Variants in WNT4 observed in about 807,000 individuals in gnomAD.
WNT4 encodes the protein Wnt family member 4.
A neutral mutation model predicts 34.5 loss-of-function variants in WNT4; 16 were observed. That is an observed-to-expected ratio of 0.46 (90% confidence interval 0.31 to 0.70). The LOEUF is 0.70. WNT4 is among the 30% of genes least tolerant of loss of function. The pLI is 0.04. For missense variants in WNT4, 379 were observed against 495.9 expected (o/e 0.76, Z 2.24); for synonymous variants, 200 against 211.9 (o/e 0.94, Z 0.49).
Position 22,129,793 on chromosome 1 carries a change from G to A in WNT4, c.136C>T (p.Leu46Phe). ...ACCTGCCTCTGGATCAGGCCCTTGA[G>A]TTTCTCGCACGTCTCCTCCTCTGAG... ...SISEEETCEK[L>F]KGLIQRQVQM... is the part of the protein sequence containing the mutation. Residue 46 changes from leucine to phenylalanine, a missense_variant, in exon 2 of 5, where the codon CTC becomes TTC. Coordinates refer to ENST00000290167, the MANE Select transcript of WNT4 (RefSeq NM_030761.5). The A allele has an allele frequency of 6.2e-7, 1 of 1,614,086 alleles. No homozygotes were observed. The highest frequency in any genetic ancestry group is 8.5e-7 in the Non-Finnish European group (1 of 1,180,042).
At chr1:22,121,414 C>T (rs2124100324) in intron 3 of WNT4, 31 bp downstream of exon 3, 1 of 1,613,868 alleles carries the variant, frequency 6.2e-7, no homozygotes, top group East Asian at 2.2e-5. Context: ...AAGCCCCCTG[C>T]CCTCCCACTC....
intron 2 of WNT4, among the ~76,000 whole-genome samples, chr1:22,125,857 G>A (rs1645936773): frequency 6.6e-6 from 1 of 152,094 alleles, no homozygotes; most frequent in African/African-American, 2.4e-5. Context: ...ACACCCTTTG[G>A]TTCATTCGAT....
chr1:22,127,427 C>T (rs2124114338), intron 2 of WNT4: 1 of 533,464 alleles, frequency 1.9e-6, no homozygotes, highest in Admixed American at 1.9e-5. Flanking sequence ...CTCCCCTGAC[C>T]TGCTTTCTGT....
intron 1 of WNT4, among the ~76,000 whole-genome samples, chr1:22,132,183 C>T (rs944117305): frequency 6.6e-6 from 1 of 152,226 alleles, no homozygotes; most frequent in Admixed American, 6.5e-5. Context: ...GGATCCTTTC[C>T]TGCTCAGACC....
Position 22,121,334 on chromosome 1 carries a change from G to A in WNT4, c.465C>T (p.Cys155=), listed in dbSNP as rs755328756. The A allele has an allele frequency of 4.3e-6, 7 of 1,614,072 alleles. No individual in the cohort carries two copies. The highest frequency in any genetic ancestry group is 1.7e-5 in the Admixed American group (1 of 60,012). Reference sequence around the variant, plus strand: ...CCACACCGTAGGCGATGTTGTCAGAGCATCCTGACCACTGGAAGCCTGGGG... The same window carrying A: ...CCACACCGTAGGCGATGTTGTCAGAACATCCTGACCACTGGAAGCCTGGGG... ...VSPQGFQWSG[C]SDNIAYGVAF... The change falls in exon 4 of 5, where the codon TGC becomes TGT. Residue 155 remains cysteine (C), a synonymous_variant. Transcript: ENST00000290167.
intron 1 of WNT4, among the ~76,000 whole-genome samples, chr1:22,141,014 T>A (rs955992558): frequency 6.6e-6 from 1 of 152,144 alleles, no homozygotes; most frequent in Non-Finnish European, 1.5e-5. Context: ...AGGTGAGTGG[T>A]GATGCCACCG....
chr1:22,131,567 C>T (rs1164922372), intron 1 of WNT4, among the ~76,000 whole-genome samples: 2 of 152,190 alleles, frequency 1.3e-5, no homozygotes, highest in South Asian at 2.1e-4. Flanking sequence ...TCCTTTTCCC[C>T]GTGGCTGTGG....
At chr1:22,128,295 A>G (rs1645955484) in intron 2 of WNT4, among the ~76,000 whole-genome samples, 1 of 152,192 alleles carries the variant, frequency 6.6e-6, no homozygotes, top group Non-Finnish European at 1.5e-5. Context: ...GGGTTGGCCC[A>G]GGCAACCCCT....
chr1:22,142,576 A>C lies in WNT4; in HGVS notation c.77+270T>G, dbSNP rs60039305. Among the ~76,000 whole-genome samples, 16,927 of 151,530 alleles carry C rather than the reference A, an allele frequency of 0.11. 1,672 individuals are homozygous for C. The highest frequency in any genetic ancestry group is 0.26 in the African/African-American group (10,582 of 41,338). Reference sequence around the variant, plus strand: ...CGCTCGCACCCCTGGCGCCCTCGAGAGCCCCGAGCCGCCTACCGGTGCGGA... The same window carrying C: ...CGCTCGCACCCCTGGCGCCCTCGAGCGCCCCGAGCCGCCTACCGGTGCGGA... On this transcript the variant is annotated intron_variant, in intron 1 of 4. Transcript: ENST00000290167. The surrounding 1 kb of genome is among the most constrained non-coding windows in gnomAD (Gnocchi z 6.0).
Position 22,120,409 on chromosome 1 carries a change from C to T in WNT4, c.697G>A (p.Ala233Thr), listed in dbSNP as rs41441349. The T allele has an allele frequency of 6.0e-5, 97 of 1,613,986 alleles. No homozygotes were observed. In the African/African-American group the frequency reaches 1.1e-3, roughly 18 times the overall value. Reference sequence around the variant, plus strand: ...GCACCATCAAACTTCTCCTTCAGTGCGTGACCCACCTGGCGGAAGGGCGGC... The same window carrying T: ...GCACCATCAAACTTCTCCTTCAGTGTGTGACCCACCTGGCGGAAGGGCGGC... ...AVPPFRQVGH[A>T]LKEKFDGATE... Residue 233 changes from alanine to threonine, a missense_variant, in exon 5 of 5, where the codon GCA becomes ACA. By Grantham distance (58) the Ala-to-Thr change is moderately conservative. Coordinates refer to ENST00000290167, the MANE Select transcript of WNT4 (RefSeq NM_030761.5).
intron 2 of WNT4, among the ~76,000 whole-genome samples, chr1:22,124,676 G>A (rs987351669): frequency 6.6e-6 from 1 of 152,200 alleles, no homozygotes; most frequent in Non-Finnish European, 1.5e-5. Flanking sequence ...AGGCTTGTCG[G>A]ACTCCAGGCC....
At position 22,137,356 on chromosome 1, in the gene WNT4, GAGCAACCCTGGGGTCGCAGCTCTGCCTGC is replaced by G. The variant is rs1248804566; in HGVS notation, c.77+5461_77+5489del. On this transcript the variant is annotated intron_variant, in intron 1 of 4. Coordinates refer to ENST00000290167, the MANE Select transcript of WNT4 (RefSeq NM_030761.5). This position sits in a 1 kb window ranked among gnomAD's most constrained non-coding sequence, Gnocchi z 5.3. Reference sequence around the variant, plus strand: ...CTGGCAACTCCTGTGGAAATCTGGAGAGCAACCCTGGGGTCGCAGCTCTGCCTGCAGCTGCGCCTGCTCCATGCAGTGAA... The same window carrying G: ...CTGGCAACTCCTGTGGAAATCTGGAGAGCTGCGCCTGCTCCATGCAGTGAA... Among the ~76,000 whole-genome samples the G allele has an allele frequency of 1.3e-5, 2 of 152,170 alleles. No individual in the cohort carries two copies. The highest frequency in any genetic ancestry group is 1.3e-4 in the Admixed American group (2 of 15,274).
intron 2 of WNT4, among the ~76,000 whole-genome samples, chr1:22,129,270 A>C (rs1645963736): frequency 6.6e-6 from 1 of 152,170 alleles, no homozygotes; most frequent in African/African-American, 2.4e-5. Context: ...AACCTTGGGC[A>C]AGTCAGTGGT....
At chr1:22,141,344 G>A (rs1269841099) in intron 1 of WNT4, among the ~76,000 whole-genome samples, 1 of 152,022 alleles carries the variant, frequency 6.6e-6, no homozygotes, top group African/African-American at 2.4e-5. Flanking sequence ...TCCTTCTGAT[G>A]CTCAGATCTG....
intron 2 of WNT4, among the ~76,000 whole-genome samples, chr1:22,124,570 GCT>G (rs1335847848): frequency 6.6e-6 from 1 of 152,234 alleles, no homozygotes; most frequent in East Asian, 1.9e-4. Flanking sequence ...TTAGCAATGA[GCT>G]CTCTACAGCT....
chr1:22,140,127 C>T lies in WNT4; in HGVS notation c.77+2719G>A, dbSNP rs987920269. On this transcript the variant is annotated intron_variant, in intron 1 of 4. Coordinates refer to ENST00000290167, the MANE Select transcript of WNT4 (RefSeq NM_030761.5). The surrounding 1 kb of genome is among the most constrained non-coding windows in gnomAD (Gnocchi z 5.9). ...GGACTCCAGGGTATTGGGAGGCGAG[C>T]GGAACCTAGACCTTGCTCCTTGGCA... is the stretch of plus-strand genomic sequence containing the variant. 7 of 964,364 alleles carry T rather than the reference C, an allele frequency of 7.3e-6. No individual in the cohort carries two copies. Among genetic ancestry groups the T allele is most frequent in the African/African-American group, 1.8e-5 (1 of 56,750 alleles). The allele number at this position is 964,364 out of a possible 1,614,324, so 59.7% of individuals were successfully genotyped here. A position where few individuals can be genotyped will look rare whatever the true frequency, so the allele number is the denominator to read the frequency against.
At chr1:22,125,609 C>T (rs540993672) in intron 2 of WNT4, among the ~76,000 whole-genome samples, 3 of 152,322 alleles carry the variant, frequency 2.0e-5, no homozygotes, top group African/African-American at 7.2e-5. Context: ...CAGGGCACCA[C>T]ATGGCCTCCC....
intron 1 of WNT4, among the ~76,000 whole-genome samples, chr1:22,136,321 G>A (rs1646021413): frequency 6.6e-6 from 1 of 152,138 alleles, no homozygotes; most frequent in Admixed American, 6.5e-5. Flanking sequence ...AGACCCATCC[G>A]ACCTGTGTCC....
At position 22,119,260 on chromosome 1, in the gene WNT4, A is replaced by C. The variant is rs1645875237; in HGVS notation, c.*790T>G. On this transcript the variant is annotated 3_prime_UTR_variant, in exon 5 of 5. Transcript: ENST00000290167. ...TTTCATGGAGGAACAGCGCTGTGAAAGGTGACTCGGGCATGACTGCAAAGG... is the reference window on the plus strand; with the variant it reads ...TTTCATGGAGGAACAGCGCTGTGAACGGTGACTCGGGCATGACTGCAAAGG... 1 of 151,662 alleles carries C rather than the reference A, an allele frequency of 6.6e-6. No individual in the cohort carries two copies. The highest frequency in any genetic ancestry group is 2.5e-5 in the African/African-American group (1 of 40,342). 9.4% of individuals were successfully genotyped at this position (151,662 alleles called of 1,614,324 possible). A position where few individuals can be genotyped will look rare whatever the true frequency, so the allele number is the denominator to read the frequency against.
Sources: allele counts gnomAD v4.1 joint callset (sites outside exome capture counted in the v4.1 genomes callset), GRCh38; gene constraint gnomAD v4.1.1; non-coding constraint Gnocchi (gnomAD v3.1); transcripts MANE v1.5; gene names NCBI Gene and HGNC (gene_info 2026-07-23, HGNC 2026-07-21).